The following SLC44A2 variants were observed in gnomAD, a reference collection of about 807,000 sequenced individuals.
SLC44A2 encodes choline transporter-like protein 2.
In SLC44A2, 57 loss-of-function variants were observed where a neutral mutation model predicts 90.8. That is an observed-to-expected ratio of 0.63 (90% CI 0.51 to 0.78). The LOEUF is 0.78. Ranked by LOEUF, SLC44A2 falls within the 30% of genes least tolerant of loss-of-function variation. The pLI is 0.00. For missense variants in SLC44A2, 794 were observed against 919.7 expected, an observed-to-expected ratio of 0.86 and a Z score of 1.77; for synonymous variants, 355 against 360.7, an observed-to-expected ratio of 0.98 and a Z score of 0.18.
At position 10,638,217 on chromosome 19, in the gene SLC44A2, CCTT is replaced by C. The variant is rs1386844306; in HGVS notation, c.1841-7_1841-5del. 7 of 1,613,880 alleles carry C rather than the reference CCTT, an allele frequency of 4.3e-6. No individual in the cohort carries two copies. Among genetic ancestry groups the C allele is most frequent in the East Asian group, 2.2e-5 (1 of 44,886 alleles). ...ACCCTTCGCCATCTTGCTTTCTTCT[CCTT>C]CTCCAGGGATCCTGGCTTTCTTCTT... is the stretch of plus-strand genomic sequence containing the variant. On this transcript the variant is annotated splice_region_variant and splice_polypyrimidine_tract_variant and intron_variant, in intron 19 of 21. Transcript: ENST00000335757.
chr19:10,638,396 G>A (rs1568455294), intron 20 of SLC44A2, 81 bp downstream of exon 20: 2 of 1,266,724 alleles, frequency 1.6e-6, no homozygotes, highest in Non-Finnish European at 2.3e-6. Context: ...CTAGATAAAT[G>A]TGGATAGAGG....
chr19:10,628,021 C>T lies in SLC44A2; in HGVS notation c.245+17C>T, dbSNP rs756705785. On this transcript the variant is annotated intron_variant, in intron 4 of 21. Transcript: ENST00000335757. Reference sequence around the variant, plus strand: ...AAAAAACGAGTGAGTTGACTCCTTGCGGCCTGGTGGGGCTGGGGAAGAGGG... The same window carrying T: ...AAAAAACGAGTGAGTTGACTCCTTGTGGCCTGGTGGGGCTGGGGAAGAGGG... 1.6e-5 allele frequency: 26 copies of T among 1,605,552 alleles called. No homozygotes were observed. The highest frequency in any genetic ancestry group is 1.7e-4 in the Middle Eastern group (1 of 6,018).
intron 1 of SLC44A2, among the ~76,000 whole-genome samples, chr19:10,610,118 A>G (rs1437672205): frequency 6.7e-6 from 1 of 150,174 alleles, no homozygotes; most frequent in East Asian, 2.0e-4. Flanking sequence ...TGTTACTTAT[A>G]TTTAGATTGT....
At chr19:10,609,928 C>T (rs1026461421) in intron 1 of SLC44A2, among the ~76,000 whole-genome samples, 2 of 152,060 alleles carry the variant, frequency 1.3e-5, no homozygotes, top group African/African-American at 4.8e-5. Context: ...GCCTCAGCCT[C>T]CCGAATAGCT....
intron 16 of SLC44A2, 98 bp from the exon 17 acceptor site, chr19:10,637,546 A>G (rs1599257224): frequency 2.7e-6 from 3 of 1,094,468 alleles, no homozygotes; most frequent in Non-Finnish European, 2.8e-6. Context: ...GACTCAGGAG[A>G]CCTGGACATT....
intron 4 of SLC44A2, among the ~76,000 whole-genome samples, chr19:10,630,329 C>G (rs534145878): frequency 6.6e-6 from 1 of 150,574 alleles, no homozygotes; most frequent in East Asian, 2.0e-4. Context: ...TCTGTCTGGG[C>G]AACAGAGAAA....
chr19:10,630,697 A>G (rs1437553020), intron 4 of SLC44A2, among the ~76,000 whole-genome samples: 2 of 148,946 alleles, frequency 1.3e-5, no homozygotes, highest in Non-Finnish European at 3.0e-5. Context: ...AAAGTTTTCT[A>G]TAGGGTGGTT....
At chr19:10,609,322 C>A (rs1237263564) in intron 1 of SLC44A2, among the ~76,000 whole-genome samples, 2 of 145,206 alleles carry the variant, frequency 1.4e-5, no homozygotes, top group Non-Finnish European at 3.0e-5. Context: ...TTTTTCAAGA[C>A]AGAATCTTGC....
chr19:10,635,068 C>T lies in SLC44A2; in HGVS notation c.1050C>T (p.Ala350=), dbSNP rs1483992751. The T allele has an allele frequency of 6.2e-7, 1 of 1,614,022 alleles. No homozygotes were observed. The highest frequency in any genetic ancestry group is 1.3e-5 in the African/African-American group (1 of 74,902). ...TCGCGATTGCACTCATCAAAGAAGC[C>T]AGCAGGTGGGGGGCCAGGGTGCCAG... The part of the protein sequence containing the change: ...ILIAIALIKE[A]SRAVGYVMCS... Residue 350 remains alanine, a synonymous_variant, in exon 12 of 22, where the codon GCC becomes GCT. Transcript: ENST00000335757.
At position 10,626,273 on chromosome 19, in the gene SLC44A2, C is replaced by T. The variant is rs768355723; in HGVS notation, c.58C>T (p.Pro20Ser). ...GKHGTPQKYD[P>S]TFKGPIYNRG... ...TTCAGGAACGCCACAGAAGTATGAT[C>T]CCACTTTCAAAGGACCCATTTACAA... The change falls in exon 2 of 22, where the codon CCC becomes TCC. Residue 20 changes from proline to serine, a missense_variant. Around this residue, in one of 3 missense-constraint regions of SLC44A2, gnomAD observed 738 missense variants for 841.1 expected, o/e 0.88. Transcript: ENST00000335757. 3 of 1,613,638 alleles carry T rather than the reference C, an allele frequency of 1.9e-6. No individual in the cohort carries two copies. The highest frequency in any genetic ancestry group is 2.5e-6 in the Non-Finnish European group (3 of 1,179,534).
intron 21 of SLC44A2, 71 bp from the exon 22 acceptor site, chr19:10,643,208 C>T (rs1015737221): frequency 1.3e-6 from 2 of 1,537,566 alleles, no homozygotes; most frequent in Admixed American, 2.0e-5. Context: ...CCCTCATCCA[C>T]CTACCCTGTC....
chr19:10,618,639 C>A (rs1454791220), intron 1 of SLC44A2, among the ~76,000 whole-genome samples: 2 of 151,732 alleles, frequency 1.3e-5, no homozygotes, highest in Non-Finnish European at 2.9e-5. Context: ...GCCACCACGC[C>A]CGGCTAATTT....
At chr19:10,602,512 T>TCCCCG (rs1371764627) in exon 1 of SLC44A2, 3 of 1,266,184 alleles carry the variant, frequency 2.4e-6, no homozygotes, top group East Asian at 3.2e-5. Context: ...CGGACTCCGC[T>TCCCCG]CCCCGCCCCG....
At position 10,636,261 on chromosome 19, in the gene SLC44A2, C is replaced by T. The variant is rs2067052663; in HGVS notation, c.1234-62C>T. On this transcript the variant is annotated intron_variant, in intron 14 of 21. Coordinates refer to ENST00000335757, the MANE Select transcript of SLC44A2 (RefSeq NM_020428.4). ...TTTTCCTGGCCCCACACCTGATGCT[C>T]AGAGCCCACTGTGAACCCCTGGTGC... is the stretch of plus-strand genomic sequence containing the variant. The T allele has an allele frequency of 5.8e-6, 9 of 1,554,730 alleles. No individual in the cohort carries two copies. The African/African-American group carries it at 9.6e-5, about 16-fold the overall frequency.
intron 20 of SLC44A2, among the ~76,000 whole-genome samples, chr19:10,640,127 G>C (rs954839640): frequency 8.1e-5 from 9 of 110,532 alleles, no homozygotes; most frequent in Admixed American, 2.7e-4. Context: ...GCCTTGCTCT[G>C]TCACCCACGC....
At chr19:10,636,231 C>T (rs758942661) in intron 14 of SLC44A2, 92 bp from the exon 15 acceptor site, 8 of 1,444,524 alleles carry the variant, frequency 5.5e-6, no homozygotes, top group East Asian at 2.3e-5. Context: ...TGTCCTACCT[C>T]ATGGTTTTCC....
chr19:10,610,266 T>C (rs1242654205), intron 1 of SLC44A2, among the ~76,000 whole-genome samples: 1 of 151,750 alleles, frequency 6.6e-6, no homozygotes, highest in Non-Finnish European at 1.5e-5. Context: ...CTTTAATATC[T>C]TGTCCTTAAC....
At chr19:10,621,750 C>T (rs894299856), upstream of SLC44A2, among the ~76,000 whole-genome samples, 1 of 152,168 alleles carries the variant, frequency 6.6e-6, no homozygotes, top group African/African-American at 2.4e-5. Context: ...TCCCAAGTAG[C>T]TGGGACTACA....
chr19:10,607,807 G>A (rs1442200625), intron 1 of SLC44A2, among the ~76,000 whole-genome samples: 14 of 148,136 alleles, frequency 9.5e-5, no homozygotes, highest in South Asian at 4.2e-4. Flanking sequence ...GTGCAGTGGC[G>A]TGATCTCGGC....
Sources: allele counts gnomAD v4.1 joint callset (sites outside exome capture counted in the v4.1 genomes callset), GRCh38; gene constraint gnomAD v4.1.1; regional missense constraint gnomAD v4.1.1; transcripts MANE v1.5; gene names NCBI Gene and HGNC (gene_info 2026-07-23, HGNC 2026-07-21).